Variants in RINT1 observed in about 807,000 individuals in gnomAD.
The protein encoded by RINT1 is RAD50 interactor 1, also known as RAD50-interacting protein 1.
RINT1 carries 75 observed loss-of-function variants against 97.7 expected under a neutral mutation model. That is an observed-to-expected ratio of 0.77 (90% CI 0.64 to 0.93). The LOEUF (loss-of-function observed/expected upper bound fraction) is 0.93, where lower values mean the gene tolerates loss of function less well. Ranked by LOEUF, RINT1 falls within the 40% of genes least tolerant of loss-of-function variation. The pLI is 0.00. For synonymous variants in RINT1, 303 were observed against 326.3 expected, an observed-to-expected ratio of 0.93 and a Z score of 0.77; for missense variants, 892 against 925.2, an observed-to-expected ratio of 0.96 and a Z score of 0.47.
chr7:105,551,764 GT>G, intron 10 of RINT1, 57 bp downstream of exon 10: 1 of 1,445,532 alleles, frequency 6.9e-7, no homozygotes, highest in Non-Finnish European at 9.4e-7. Context: ...TCACGTGGTA[GT>G]TTTTAAAGTA....
chr7:105,540,657 C>G (rs1469192637), intron 3 of RINT1, among the ~76,000 whole-genome samples: 1 of 152,062 alleles, frequency 6.6e-6, no homozygotes, highest in Non-Finnish European at 1.5e-5. Context: ...CTTGGCCTCC[C>G]AAAGTGCTGG....
At position 105,567,518 on chromosome 7, in the gene RINT1, CA is replaced by C; in HGVS notation, c.*209del. 1 of 689,658 alleles carries C rather than the reference CA, an allele frequency of 1.4e-6. No individual in the cohort carries two copies. The highest frequency in any genetic ancestry group is 2.7e-5 in the East Asian group (1 of 37,170). The allele number at this position is 689,658 out of a possible 1,614,324, so 42.7% of individuals were successfully genotyped here. A position where few individuals can be genotyped will look rare whatever the true frequency, so the allele number is the denominator to read the frequency against. On this transcript the variant is annotated 3_prime_UTR_variant, in exon 15 of 15. Coordinates refer to ENST00000257700, the MANE Select transcript of RINT1 (RefSeq NM_021930.6). ...AAGGAAACAAAAACAGAAAACGAAA[CA>C]ATGAAAACTCAATTCTATTTACAAG...
At position 105,536,753 on chromosome 7, in the gene RINT1, A is replaced by G; in HGVS notation, c.273+4A>G. On this transcript the variant is annotated splice_donor_region_variant and intron_variant, in intron 3 of 14. Coordinates refer to ENST00000257700, the MANE Select transcript of RINT1 (RefSeq NM_021930.6). Reference sequence around the variant, plus strand: ...TAAAATGCAGTTAGAAGAACAGGTAAGTATTGAAACTCACTGAAATAATTA... The same window carrying G: ...TAAAATGCAGTTAGAAGAACAGGTAGGTATTGAAACTCACTGAAATAATTA... 1.9e-6 allele frequency: 3 copies of G among 1,567,228 alleles called. No individual in the cohort carries two copies. Among genetic ancestry groups the G allele is most frequent in the Non-Finnish European group, 2.6e-6 (3 of 1,152,970 alleles).
intron 2 of RINT1, among the ~76,000 whole-genome samples, chr7:105,536,032 C>T (rs1472972754): frequency 1.3e-5 from 2 of 152,180 alleles, no homozygotes; most frequent in African/African-American, 4.8e-5. Context: ...TGATAGAGTG[C>T]TTTAGAGCTA....
In RINT1 at chr7:105,547,258, G is replaced by T; in HGVS notation, c.764G>T (p.Ser255Ile). ...APPQSQTVGL[S>I]RPASAPEIYS... Reference sequence around the variant, plus strand: ...CCTCAATCACAAACTGTTGGCTTAAGTCGACCTGCCAGTGCCCCGGAGATA... The same window carrying T: ...CCTCAATCACAAACTGTTGGCTTAATTCGACCTGCCAGTGCCCCGGAGATA... The change falls in exon 6 of 15, where the codon AGT (serine) becomes ATT (isoleucine). Residue 255 changes from serine (S) to isoleucine (I), a missense_variant. Transcript: ENST00000257700. 1 of 1,614,208 alleles carries T rather than the reference G, an allele frequency of 6.2e-7. No homozygotes were observed. The highest frequency in any genetic ancestry group is 8.5e-7 in the Non-Finnish European group (1 of 1,180,032).
At chr7:105,546,793 T>C (rs1359824041) in intron 4 of RINT1, 117 bp from the exon 5 acceptor site, 2 of 683,432 alleles carry the variant, frequency 2.9e-6, no homozygotes, top group Non-Finnish European at 4.8e-6. Context: ...GGAGAATCAC[T>C]TGAACCTGGG....
intron 9 of RINT1, 85 bp downstream of exon 9, chr7:105,550,571 A>G: frequency 1.0e-6 from 1 of 976,832 alleles, no homozygotes; most frequent in Non-Finnish European, 1.6e-6. Flanking sequence ...TCCAGTTCTA[A>G]ATAGGAACTA....
chr7:105,538,944 G>A (rs958061089), intron 3 of RINT1, among the ~76,000 whole-genome samples: 1 of 152,062 alleles, frequency 6.6e-6, no homozygotes, highest in African/African-American at 2.4e-5. Flanking sequence ...ACATAGACAG[G>A]TCTTTTCCAT....
intron 4 of RINT1, among the ~76,000 whole-genome samples, chr7:105,543,544 G>C (rs1217306990): frequency 1.3e-5 from 2 of 152,108 alleles, no homozygotes; most frequent in African/African-American, 4.8e-5. Context: ...ACCTAGATTA[G>C]TAGATGATAA....
intron 2 of RINT1, among the ~76,000 whole-genome samples, chr7:105,534,251 T>C (rs1790141898): frequency 6.6e-6 from 1 of 152,152 alleles, no homozygotes; most frequent in Non-Finnish European, 1.5e-5. Context: ...GTATTTTTAG[T>C]AGAGGCAGGG....
chr7:105,538,234 G>A (rs1283241513), intron 3 of RINT1, among the ~76,000 whole-genome samples: 1 of 152,040 alleles, frequency 6.6e-6, no homozygotes, highest in East Asian at 1.9e-4. Context: ...CTCGTGATCC[G>A]CCTGCCTTGG....
intron 12 of RINT1, 39 bp downstream of exon 12, chr7:105,563,986 G>T: frequency 6.9e-7 from 1 of 1,456,630 alleles, no homozygotes; most frequent in South Asian, 1.2e-5. Context: ...ACACCAGTTT[G>T]GTAAAAGTTA....
chr7:105,548,444 C>G lies in RINT1; in HGVS notation c.840-110C>G, dbSNP rs1008642151. 5.6e-6 allele frequency: 5 copies of G among 898,750 alleles called. No individual in the cohort carries two copies. The African/African-American group carries it at 8.2e-5, about 15-fold the overall frequency. The allele number at this position is 898,750 out of a possible 1,614,324, so 55.7% of individuals were successfully genotyped here. A position where few individuals can be genotyped will look rare whatever the true frequency, so the allele number is the denominator to read the frequency against. On this transcript the variant is annotated intron_variant, in intron 6 of 14. Transcript: ENST00000257700. ...ATTATTTGCATCATAATTAACTCTA[C>G]TGAGTATCTGATACATTTGTTGGAA...
At chr7:105,538,321 A>C (rs1586219413) in intron 3 of RINT1, among the ~76,000 whole-genome samples, 2 of 152,134 alleles carry the variant, frequency 1.3e-5, no homozygotes, top group South Asian at 4.1e-4. Flanking sequence ...TATAGCTACT[A>C]AATTAGGTTA....
At chr7:105,548,436 TAACTC>T (rs1171632968) in intron 6 of RINT1, 113 bp from the exon 7 acceptor site, 24 of 830,396 alleles carry the variant, frequency 2.9e-5, no homozygotes, top group South Asian at 1.7e-4. Flanking sequence ...GCATCATAAT[TAACTC>T]TACTGAGTAT....
chr7:105,561,118 T>A (rs533140588), intron 11 of RINT1, among the ~76,000 whole-genome samples: 3 of 151,578 alleles, frequency 2.0e-5, no homozygotes, highest in Non-Finnish European at 2.9e-5. Context: ...AAAAAAAACC[T>A]TGGCAAGGTG....
At chr7:105,566,919 T>A (rs955193256) in intron 14 of RINT1, 200 bp from the exon 15 acceptor site, 4 of 370,742 alleles carry the variant, frequency 1.1e-5, no homozygotes, top group Non-Finnish European at 1.9e-5. Context: ...CGTATTACCT[T>A]ATAGTAATCT....
intron 10 of RINT1, among the ~76,000 whole-genome samples, chr7:105,552,292 A>C (rs967615264): frequency 2.6e-5 from 4 of 152,178 alleles, no homozygotes; most frequent in African/African-American, 9.7e-5. Flanking sequence ...CTGTCTTGCT[A>C]TTGGGCTTTT....
chr7:105,553,906 T>A (rs977524034), intron 10 of RINT1, among the ~76,000 whole-genome samples: 65 of 126,388 alleles, frequency 5.1e-4, no homozygotes, highest in East Asian at 4.2e-3. Context: ...TTTTTTTTTT[T>A]TTTTTTTTTT....
Sources: allele counts gnomAD v4.1 joint callset (sites outside exome capture counted in the v4.1 genomes callset), GRCh38; gene constraint gnomAD v4.1.1; transcripts MANE v1.5; gene names NCBI Gene and HGNC (gene_info 2026-07-23, HGNC 2026-07-21).